Variants in CEP83 observed in about 807,000 individuals in gnomAD.
CEP83 encodes centrosomal protein of 83 kDa.
CEP83 carries 70 observed loss-of-function variants against 101.9 expected under a neutral mutation model. The observed-to-expected ratio is 0.69, with a 90% CI of 0.57 to 0.84. The LOEUF is 0.84. Among genes scored for constraint, CEP83 ranks in the 40% least tolerant of loss-of-function variants. The probability of loss-of-function intolerance (pLI) is 0.00; values close to 1 mark genes in which losing one functional copy is unlikely to be tolerated. For missense variants in CEP83, 715 were observed against 787.2 expected, an observed-to-expected ratio of 0.91 and a Z score of 1.10; for synonymous variants, 264 against 267.9, an observed-to-expected ratio of 0.99 and a Z score of 0.14.
intron 4 of CEP83, among the ~76,000 whole-genome samples, chr12:94,404,073 T>G (rs751677984): frequency 5.3e-5 from 8 of 152,156 alleles, no homozygotes; most frequent in Non-Finnish European, 7.4e-5. Flanking sequence ...TCTAAGCACA[T>G]TATATGCATT....
chr12:94,388,228 C>T (rs116982475), intron 6 of CEP83, among the ~76,000 whole-genome samples: 6,915 of 152,248 alleles, frequency 0.045, 213 homozygotes, highest in Non-Finnish European at 0.072. Context: ...ACATATACAC[C>T]ACGGAATACT....
intron 1 of CEP83, among the ~76,000 whole-genome samples, chr12:94,445,563 C>G (rs2066738243): frequency 6.6e-6 from 1 of 152,156 alleles, no homozygotes; most frequent in South Asian, 2.1e-4. Flanking sequence ...ATACCAGACT[C>G]AGGGGAAAAA....
chr12:94,295,839 C>T, the CEP83 span, among the ~76,000 whole-genome samples: 1 of 152,100 alleles, frequency 6.6e-6, no homozygotes, highest in Non-Finnish European at 1.5e-5. Flanking sequence ...ATAATGTCTG[C>T]CTTCTCTCCT....
the CEP83 span, among the ~76,000 whole-genome samples, chr12:94,275,419 C>CA: frequency 6.6e-6 from 1 of 152,188 alleles, no homozygotes; most frequent in Non-Finnish European, 1.5e-5. Flanking sequence ...TGAGGGCAGA[C>CA]GCTGTGATGT....
At chr12:94,431,967 A>C (rs1355907480) in intron 2 of CEP83, among the ~76,000 whole-genome samples, 2 of 152,248 alleles carry the variant, frequency 1.3e-5, no homozygotes, top group African/African-American at 4.8e-5. Context: ...CAGCATGTCA[A>C]AGGGATACCT....
intron 8 of CEP83, among the ~76,000 whole-genome samples, chr12:94,371,906 A>G (rs1474887728): frequency 6.6e-6 from 1 of 152,200 alleles, no homozygotes; most frequent in East Asian, 1.9e-4. Flanking sequence ...ATCCCTCCAA[A>G]TTAACTCGTA....
downstream of CEP83, chr12:94,306,488 T>G (rs1246696948): frequency 2.0e-5 from 3 of 152,220 alleles, no homozygotes; most frequent in Non-Finnish European, 2.9e-5. Context: ...AATTCCTGAA[T>G]TTTTGCTGCT....
At chr12:94,273,161 C>T in the CEP83 span, among the ~76,000 whole-genome samples, 1 of 152,210 alleles carries the variant, frequency 6.6e-6, no homozygotes, top group Non-Finnish European at 1.5e-5. Flanking sequence ...ATTGCATTCC[C>T]AGTACGTGAT....
chr12:94,417,918 T>C (rs745833782), intron 2 of CEP83, among the ~76,000 whole-genome samples: 1 of 152,034 alleles, frequency 6.6e-6, no homozygotes, highest in African/African-American at 2.4e-5. Context: ...AATGTTATGG[T>C]TATCTGACAA....
the CEP83 span, chr12:94,300,961 T>C: frequency 6.2e-7 from 1 of 1,613,580 alleles, no homozygotes; most frequent in Non-Finnish European, 8.5e-7. Context: ...AGTTTGTCTT[T>C]GACATTAAGA....
intron 1 of CEP83, among the ~76,000 whole-genome samples, chr12:94,439,909 T>C (rs1167307518): frequency 6.6e-6 from 1 of 152,072 alleles, no homozygotes; most frequent in Admixed American, 6.6e-5. Flanking sequence ...ATAAATGTAA[T>C]ACACCATATA....
At chr12:94,309,032 C>T (rs1024766724) in intron 16 of CEP83, 115 bp from the exon 17 acceptor site, 3 of 689,516 alleles carry the variant, frequency 4.4e-6, no homozygotes, top group Non-Finnish European at 7.7e-6. Flanking sequence ...GAAATGCTGA[C>T]CACTGTAGCA....
At chr12:94,395,401 T>G (rs988789804) in intron 6 of CEP83, among the ~76,000 whole-genome samples, 1 of 152,254 alleles carries the variant, frequency 6.6e-6, no homozygotes, top group Admixed American at 6.5e-5. Context: ...TATGATGAGT[T>G]TCCTCTTTTT....
At chr12:94,353,529 C>T (rs565488780) in intron 11 of CEP83, among the ~76,000 whole-genome samples, 13 of 152,202 alleles carry the variant, frequency 8.5e-5, no homozygotes, top group African/African-American at 2.6e-4. Flanking sequence ...AGAAGATCTA[C>T]AGTACAACCA....
chr12:94,305,205 C>A, downstream of CEP83: 1 of 1,608,398 alleles, frequency 6.2e-7, no homozygotes, highest in Non-Finnish European at 8.5e-7. Context: ...AGAAAGAGAA[C>A]GAGGGCTGGA....
At chr12:94,352,861 T>A (rs1244193039) in intron 11 of CEP83, among the ~76,000 whole-genome samples, 1 of 152,188 alleles carries the variant, frequency 6.6e-6, no homozygotes, top group Non-Finnish European at 1.5e-5. Context: ...CACCATTAAG[T>A]GAACACATAT....
chr12:94,392,558 C>T (rs965967454), intron 6 of CEP83, among the ~76,000 whole-genome samples: 1 of 151,856 alleles, frequency 6.6e-6, no homozygotes, highest in South Asian at 2.1e-4. Flanking sequence ...AAATTGACAC[C>T]CTAACATCAC....
At chr12:94,419,405 C>T (rs1197088205) in intron 2 of CEP83, among the ~76,000 whole-genome samples, 1 of 151,964 alleles carries the variant, frequency 6.6e-6, no homozygotes, top group African/African-American at 2.4e-5. Flanking sequence ...GATTAGAAAA[C>T]ATTCTAAAGA....
At chr12:94,325,338 A>G (rs1366781398) in intron 14 of CEP83, among the ~76,000 whole-genome samples, 3 of 152,052 alleles carry the variant, frequency 2.0e-5, no homozygotes, top group South Asian at 2.1e-4. Context: ...ATGCCCGGCT[A>G]ATTTTTGTAG....
Sources: gnomAD v4.1 joint callset for allele counts (sites outside exome capture counted in the v4.1 genomes callset) on GRCh38, gnomAD v4.1.1 for gene constraint, MANE v1.5 for transcripts, NCBI Gene and HGNC (gene_info 2026-07-23, HGNC 2026-07-21) for gene names.